Variants in ATP8A2 observed in about 807,000 individuals in gnomAD.
ATP8A2 encodes ATPase phospholipid transporting 8A2, also known as phospholipid-transporting ATPase IB.
Under a neutral mutation model 165.6 loss-of-function variants are expected in ATP8A2, and 100 were observed. The ratio of observed to expected loss-of-function variants is 0.60; its 90% CI spans 0.51 to 0.71. The LOEUF (loss-of-function observed/expected upper bound fraction) is 0.71, where lower values mean the gene tolerates loss of function less well. ATP8A2 is among the 30% of genes least tolerant of loss of function. The probability of loss-of-function intolerance (pLI) is 0.00; values close to 1 mark genes in which losing one functional copy is unlikely to be tolerated. For missense variants in ATP8A2, 1,227 were observed against 1,479.5 expected, an observed-to-expected ratio of 0.83 and a Z score of 2.80; for synonymous variants, 543 against 548.8, an observed-to-expected ratio of 0.99 and a Z score of 0.15.
intron 35 of ATP8A2, among the ~76,000 whole-genome samples, chr13:25,978,465 T>C (rs1194348674): frequency 6.6e-6 from 1 of 152,212 alleles, no homozygotes; most frequent in Non-Finnish European, 1.5e-5. Context: ...TTAGATGTTA[T>C]CTGGGAATAA....
intron 5 of ATP8A2, among the ~76,000 whole-genome samples, chr13:25,532,807 C>T (rs1424301377): frequency 1.3e-5 from 2 of 152,072 alleles, no homozygotes; most frequent in African/African-American, 4.8e-5. Flanking sequence ...GCTGGGACTA[C>T]AGGCAAGCAC....
chr13:25,936,628 C>G (rs767347395), intron 33 of ATP8A2, among the ~76,000 whole-genome samples: 20 of 152,168 alleles, frequency 1.3e-4, no homozygotes, highest in East Asian at 1.2e-3. Context: ...CGTAAGCATC[C>G]GAGTAGAATC....
chr13:25,539,414 GT>G (rs77458058), intron 7 of ATP8A2, among the ~76,000 whole-genome samples: 45,006 of 148,120 alleles, frequency 0.3, 7,352 homozygotes, highest in Middle Eastern at 0.42. Context: ...TGCCCAGCCA[GT>G]TTTTTTTTTT....
intron 33 of ATP8A2, among the ~76,000 whole-genome samples, chr13:25,899,013 G>A (rs993036331): frequency 3.3e-5 from 5 of 152,130 alleles, no homozygotes; most frequent in African/African-American, 1.2e-4. Context: ...TTCAGCTCAC[G>A]CATGGTGCCC....
At chr13:25,522,476 A>G (rs866474279) in intron 2 of ATP8A2, among the ~76,000 whole-genome samples, 6 of 152,130 alleles carry the variant, frequency 3.9e-5, no homozygotes, top group African/African-American at 1.4e-4. Context: ...GGGCATCCTT[A>G]TCATGTTCCA....
At chr13:25,643,990 C>T (rs376102147) in intron 24 of ATP8A2, among the ~76,000 whole-genome samples, 4 of 151,556 alleles carry the variant, frequency 2.6e-5, no homozygotes, top group African/African-American at 9.7e-5. Flanking sequence ...CAATTTATTC[C>T]TATTTTATTT....
At chr13:25,963,237 T>C (rs1302021249) in intron 34 of ATP8A2, among the ~76,000 whole-genome samples, 1 of 151,640 alleles carries the variant, frequency 6.6e-6, no homozygotes, top group Non-Finnish European at 1.5e-5. Context: ...CTACTATAAA[T>C]ACAAAAATTA....
At chr13:25,784,765 CT>C (rs554676193) in intron 27 of ATP8A2, among the ~76,000 whole-genome samples, 2 of 151,302 alleles carry the variant, frequency 1.3e-5, no homozygotes, top group South Asian at 2.1e-4. Context: ...AGATACATTT[CT>C]TTTTTTTTCT....
At chr13:25,509,961 G>A (rs2037169940) in intron 2 of ATP8A2, among the ~76,000 whole-genome samples, 1 of 152,186 alleles carries the variant, frequency 6.6e-6, no homozygotes, top group African/African-American at 2.4e-5. Flanking sequence ...CGCCCCAAAT[G>A]TTTACTTTGC....
In ATP8A2 at chr13:25,372,181, C is replaced by T; in HGVS notation, c.-32C>T. On this transcript the variant is annotated 5_prime_UTR_variant, in exon 1 of 37. Transcript: ENST00000381655. The surrounding 1 kb of genome is among the most constrained non-coding windows in gnomAD (Gnocchi z 4.8). ...CCCTGCGCGTAGCCTCCGTCTCTCG[C>T]CCGGGGCCGCCGAGCCCCCGACACG... is the stretch of plus-strand genomic sequence containing the variant. 1 of 1,407,060 alleles carries T rather than the reference C, an allele frequency of 7.1e-7. No homozygotes were observed. The highest frequency in any genetic ancestry group is 3.2e-5 in the East Asian group (1 of 31,460). The allele number at this position is 1,407,060 out of a possible 1,614,324, so 87.2% of individuals were successfully genotyped here.
At chr13:25,810,779 G>A (rs1950849672) in intron 27 of ATP8A2, among the ~76,000 whole-genome samples, 1 of 152,060 alleles carries the variant, frequency 6.6e-6, no homozygotes, top group East Asian at 1.9e-4. Context: ...GCGAGCAGAG[G>A]GAGCTGGATG....
intron 1 of ATP8A2, among the ~76,000 whole-genome samples, chr13:25,405,011 G>A (rs1322743714): frequency 3.3e-5 from 5 of 152,180 alleles, no homozygotes; most frequent in Non-Finnish European, 1.5e-5. Context: ...AAGCAGAAGA[G>A]GGTGGTCTCT....
At chr13:25,697,365 C>T (rs1452061007) in intron 24 of ATP8A2, among the ~76,000 whole-genome samples, 1 of 152,160 alleles carries the variant, frequency 6.6e-6, no homozygotes, top group African/African-American at 2.4e-5. Flanking sequence ...CTGCAACCTC[C>T]ACCTCCCAGG....
intron 30 of ATP8A2, among the ~76,000 whole-genome samples, chr13:25,845,800 T>A (rs1951847573): frequency 6.6e-6 from 1 of 152,230 alleles, no homozygotes; most frequent in Non-Finnish European, 1.5e-5. Context: ...TTGTTTCACA[T>A]TAAGCTAAAT....
intron 25 of ATP8A2, among the ~76,000 whole-genome samples, chr13:25,762,799 T>C (rs1437977001): frequency 2.0e-5 from 3 of 152,158 alleles, no homozygotes; most frequent in Non-Finnish European, 4.4e-5. Flanking sequence ...GAAAAACATA[T>C]TCCCCCATGA....
rs193017075 is a variant in ATP8A2, at chr13:25,948,340, A to G, written c.3184-13235A>G. Among the ~76,000 whole-genome samples, 231 of 152,278 alleles carry G rather than the reference A, an allele frequency of 1.5e-3. 1 individual carries two copies. The highest frequency in any genetic ancestry group is 2.7e-3 in the Non-Finnish European group (181 of 68,024). On this transcript the variant is annotated intron_variant, in intron 33 of 36. Coordinates refer to ENST00000381655, the MANE Select transcript of ATP8A2 (RefSeq NM_016529.6). ...TCGATAGTGTAAAAAATCATTAGTT[A>G]TAGGTAACATGTATGGCATTTACCA...
intron 35 of ATP8A2, among the ~76,000 whole-genome samples, chr13:25,974,646 G>A (rs566742103): frequency 6.6e-6 from 1 of 152,248 alleles, no homozygotes; most frequent in East Asian, 1.9e-4. Context: ...GCTGCAGTCT[G>A]TCTGTAACGT....
chr13:25,609,589 T>TCAAATATATATATATATATTTGTATC (rs2040625622), intron 24 of ATP8A2, among the ~76,000 whole-genome samples: 1 of 128,980 alleles, frequency 7.8e-6, no homozygotes, highest in African/African-American at 2.8e-5. Flanking sequence ...ATATTTGGGT[T>TCAAATATATATATATATATTTGTATC]CAAATATATA....
intron 25 of ATP8A2, among the ~76,000 whole-genome samples, chr13:25,729,252 C>T (rs2043562432): frequency 6.6e-6 from 1 of 152,192 alleles, no homozygotes; most frequent in African/African-American, 2.4e-5. Flanking sequence ...TTAGTTATTA[C>T]CTTGTAATAC....
Sources: allele counts gnomAD v4.1 joint callset (sites outside exome capture counted in the v4.1 genomes callset), GRCh38; gene constraint gnomAD v4.1.1; non-coding constraint Gnocchi (gnomAD v3.1); transcripts MANE v1.5; gene names NCBI Gene and HGNC (gene_info 2026-07-23, HGNC 2026-07-21).